The following SWT1 variants were observed in gnomAD, a reference collection of about 807,000 sequenced individuals.
The protein encoded by SWT1 is SWT1 RNA endoribonuclease homolog, also known as transcriptional protein SWT1.
A neutral mutation model predicts 107.3 loss-of-function variants in SWT1; 33 were observed. The ratio of observed to expected loss-of-function variants is 0.31; its 90% CI spans 0.23 to 0.41. The LOEUF is 0.41. Among genes scored for constraint, SWT1 ranks in the 10% least tolerant of loss-of-function variants. The probability of loss-of-function intolerance (pLI) is 1.00; values close to 1 mark genes in which losing one functional copy is unlikely to be tolerated. For synonymous variants in SWT1, 345 were observed against 348.3 expected, an observed-to-expected ratio of 0.99 and a Z score of 0.11; for missense variants, 898 against 1,028.9, an observed-to-expected ratio of 0.87 and a Z score of 1.74.
intron 16 of SWT1, among the ~76,000 whole-genome samples, chr1:185,266,217 C>T (rs1173604783): frequency 2.7e-5 from 4 of 147,514 alleles, no homozygotes; most frequent in Non-Finnish European, 6.1e-5. Context: ...GCGCCCGCCA[C>T]CACGCCCAGC....
At chr1:185,199,565 A>G (rs1210055828) in intron 10 of SWT1, among the ~76,000 whole-genome samples, 1 of 152,144 alleles carries the variant, frequency 6.6e-6, no homozygotes, top group Non-Finnish European at 1.5e-5. Context: ...ATTGTTGAAT[A>G]TTGGCCCCCA....
In SWT1 at chr1:185,191,857, A is replaced by G. The variant is rs76977168; in HGVS notation, c.1523+1215A>G. 5.9e-3 allele frequency among the ~76,000 whole-genome samples: 900 copies of G among 152,288 alleles called. 33 individuals are homozygous for G. In the East Asian group the frequency reaches 0.095, roughly 16 times the overall value. On this transcript the variant is annotated intron_variant, in intron 10 of 18. Transcript: ENST00000367500. ...TACATTCACTGCTTTTTTTGGGATT[A>G]ACAGATATACTATTTTTTAGCGACT...
chr1:185,288,784 C>A (rs1346837820), intron 18 of SWT1, among the ~76,000 whole-genome samples: 2 of 152,014 alleles, frequency 1.3e-5, no homozygotes, highest in East Asian at 3.8e-4. Flanking sequence ...GGATTGAATT[C>A]TTTGACACTT....
At chr1:185,254,216 T>C (rs1662287760) in intron 16 of SWT1, among the ~76,000 whole-genome samples, 1 of 116,550 alleles carries the variant, frequency 8.6e-6, no homozygotes, top group African/African-American at 3.9e-5. Flanking sequence ...TCAATGTTCA[T>C]CAAGGATATT....
At chr1:185,205,881 G>T (rs925867309) in intron 12 of SWT1, among the ~76,000 whole-genome samples, 1 of 152,192 alleles carries the variant, frequency 6.6e-6, no homozygotes, top group African/African-American at 2.4e-5. Context: ...AGAAAAGGAA[G>T]TGCTGACATC....
At chr1:185,224,851 C>T (rs998105320) in intron 15 of SWT1, among the ~76,000 whole-genome samples, 1 of 152,052 alleles carries the variant, frequency 6.6e-6, no homozygotes, top group Admixed American at 6.6e-5. Flanking sequence ...ATCTCTAAGA[C>T]ATTTTCGGTG....
chr1:185,176,671 A>G, intron 5 of SWT1: 3 of 985,382 alleles, frequency 3.0e-6, no homozygotes, highest in Non-Finnish European at 3.6e-6. Context: ...GGTTAAGCCT[A>G]CCTGCTTTTA....
chr1:185,222,252 G>A (rs928618826), intron 15 of SWT1, among the ~76,000 whole-genome samples: 1 of 151,948 alleles, frequency 6.6e-6, no homozygotes, highest in African/African-American at 2.4e-5. Flanking sequence ...TATTCTCCAG[G>A]TTTATCCACG....
chr1:185,189,479 A>C (rs1204369320), intron 9 of SWT1, among the ~76,000 whole-genome samples: 1 of 152,172 alleles, frequency 6.6e-6, no homozygotes, highest in African/African-American at 2.4e-5. Context: ...CACACAGGAA[A>C]CTAGTTTAGC....
intron 13 of SWT1, among the ~76,000 whole-genome samples, chr1:185,209,803 G>A (rs942259387): frequency 3.3e-5 from 5 of 152,144 alleles, no homozygotes; most frequent in Non-Finnish European, 7.3e-5. Flanking sequence ...TCACCACACT[G>A]TCTTCCACAA....
intron 2 of SWT1, among the ~76,000 whole-genome samples, chr1:185,164,799 C>T (rs1345423054): frequency 1.3e-5 from 2 of 152,160 alleles, no homozygotes; most frequent in African/African-American, 4.8e-5. Flanking sequence ...TCAAAACTTG[C>T]CCAATATCAG....
intron 13 of SWT1, among the ~76,000 whole-genome samples, chr1:185,214,126 C>T (rs1388561895): frequency 1.2e-4 from 18 of 152,038 alleles, no homozygotes. Flanking sequence ...AGTGTAGTCT[C>T]ACTCTTCTGA....
intron 14 of SWT1, among the ~76,000 whole-genome samples, chr1:185,216,769 T>C (rs1659247587): frequency 6.6e-6 from 1 of 151,988 alleles, no homozygotes; most frequent in African/African-American, 2.4e-5. Flanking sequence ...CTGGCCAACA[T>C]GGCAAAACCC....
chr1:185,170,971 T>C (rs553190383), intron 4 of SWT1, among the ~76,000 whole-genome samples: 3 of 152,302 alleles, frequency 2.0e-5, no homozygotes, highest in South Asian at 4.2e-4. Context: ...AGCCCACTTG[T>C]ATTCCTGAAT....
intron 5 of SWT1, among the ~76,000 whole-genome samples, chr1:185,176,254 C>T (rs1411759969): frequency 2.2e-5 from 3 of 136,282 alleles, no homozygotes; most frequent in African/African-American, 8.3e-5. Flanking sequence ...TAACTGCACT[C>T]CAACCTAGGT....
At chr1:185,175,199 TC>T in intron 5 of SWT1, 86 bp downstream of exon 5, 2 of 1,131,088 alleles carry the variant, frequency 1.8e-6, no homozygotes, top group Admixed American at 3.7e-5. Flanking sequence ...TATATTTTTT[TC>T]TGTTTTTTTT....
chr1:185,236,088 G>A (rs1660852898), intron 16 of SWT1, among the ~76,000 whole-genome samples: 1 of 152,104 alleles, frequency 6.6e-6, no homozygotes, highest in Non-Finnish European at 1.5e-5. Flanking sequence ...CTCATGAGTA[G>A]GAAGAATCAA....
intron 3 of SWT1, among the ~76,000 whole-genome samples, chr1:185,168,113 T>C (rs574228486): frequency 1.3e-5 from 2 of 152,284 alleles, no homozygotes; most frequent in South Asian, 4.1e-4. Context: ...GACAGATCTA[T>C]TTACAGATGA....
In SWT1 at chr1:185,221,869, A is replaced by G; in HGVS notation, c.2142A>G (p.Pro714=). ...TFAEVKTKLK[P]NSSENTVTKK... ...CCCAGGTCAAGACAAAACTTAAGCC[A>G]AATTCTTCAGAAAACACAGTGACTA... The change falls in exon 15 of 19, where the codon CCA becomes CCG. Residue 714 remains proline, a synonymous_variant. Transcript: ENST00000367500. The G allele has an allele frequency of 1.3e-6, 2 of 1,594,198 alleles. No individual in the cohort carries two copies. The highest frequency in any genetic ancestry group is 1.7e-6 in the Non-Finnish European group (2 of 1,172,988).
Sources: gnomAD v4.1 joint callset for allele counts (sites outside exome capture counted in the v4.1 genomes callset) on GRCh38, gnomAD v4.1.1 for gene constraint, MANE v1.5 for transcripts, NCBI Gene and HGNC (gene_info 2026-07-23, HGNC 2026-07-21) for gene names.